The following RGS7 variants were observed in gnomAD, a reference collection of about 807,000 sequenced individuals.
The protein encoded by RGS7 is regulator of G protein signaling 7.
Under a neutral mutation model 81.1 loss-of-function variants are expected in RGS7, and 27 were observed. The ratio of observed to expected loss-of-function variants is 0.33; its 90% CI spans 0.25 to 0.46. The LOEUF (loss-of-function observed/expected upper bound fraction) is 0.46, where lower values mean the gene tolerates loss of function less well. RGS7 is among the 20% of genes least tolerant of loss of function. The probability of loss-of-function intolerance (pLI) is 1.00; values close to 1 mark genes in which losing one functional copy is unlikely to be tolerated. For missense variants in RGS7, 396 were observed against 607.4 expected (o/e 0.65, Z 3.66); for synonymous variants, 208 against 207.7 (o/e 1.00, Z -0.01).
At chr1:240,968,309 C>G (rs1682660666) in intron 4 of RGS7, among the ~76,000 whole-genome samples, 1 of 152,172 alleles carries the variant, frequency 6.6e-6, no homozygotes, top group Non-Finnish European at 1.5e-5. Context: ...GCTACTGATG[C>G]CTGGCAGATC....
chr1:241,000,105 T>C (rs1411267578), intron 3 of RGS7, among the ~76,000 whole-genome samples: 1 of 152,136 alleles, frequency 6.6e-6, no homozygotes, highest in Non-Finnish European at 1.5e-5. Context: ...GATGCTCCCT[T>C]AGGCTTCTTC....
chr1:240,973,250 T>C (rs1013566620), intron 4 of RGS7, among the ~76,000 whole-genome samples: 5 of 152,182 alleles, frequency 3.3e-5, no homozygotes, highest in African/African-American at 1.2e-4. Flanking sequence ...CTGGGGGCCA[T>C]GGCTCACGCC....
At chr1:241,168,768 C>T (rs1027514162) in intron 2 of RGS7, among the ~76,000 whole-genome samples, 5 of 152,036 alleles carry the variant, frequency 3.3e-5, no homozygotes, top group Admixed American at 3.3e-4. Context: ...AACACACACA[C>T]ATAGAGAGAG....
intron 6 of RGS7, among the ~76,000 whole-genome samples, chr1:240,895,147 C>T (rs900052879): frequency 5.9e-5 from 9 of 152,124 alleles, no homozygotes; most frequent in African/African-American, 2.2e-4. Context: ...TCTCTTTTCA[C>T]CTTCCACCAT....
intron 6 of RGS7, among the ~76,000 whole-genome samples, chr1:240,907,648 T>C (rs999468183): frequency 3.9e-5 from 6 of 152,198 alleles, no homozygotes; most frequent in African/African-American, 1.4e-4. Flanking sequence ...GTTTACCACC[T>C]AGGGTGTTAG....
chr1:240,972,636 T>C (rs1324888600), intron 4 of RGS7, among the ~76,000 whole-genome samples: 1 of 141,800 alleles, frequency 7.1e-6, no homozygotes, highest in African/African-American at 2.6e-5. Flanking sequence ...GCATGGCACA[T>C]GTATACATAT....
intron 9 of RGS7, among the ~76,000 whole-genome samples, chr1:240,846,145 A>G (rs907480934): frequency 2.0e-5 from 3 of 152,206 alleles, no homozygotes; most frequent in Non-Finnish European, 2.9e-5. Flanking sequence ...AGTCAGGGAC[A>G]AGTGAAGCCT....
At chr1:241,344,650 C>T (rs967090457) in intron 2 of RGS7, among the ~76,000 whole-genome samples, 2 of 152,202 alleles carry the variant, frequency 1.3e-5, no homozygotes, top group Admixed American at 6.5e-5. Flanking sequence ...TTCTTTCCTG[C>T]TAGCCAATTT....
At chr1:241,151,584 TTTTAC>T in intron 2 of RGS7, among the ~76,000 whole-genome samples, 1 of 150,736 alleles carries the variant, frequency 6.6e-6, no homozygotes, top group Non-Finnish European at 1.5e-5. Flanking sequence ...TTTTTTTTTT[TTTTAC>T]TTTAAGTTCT....
intron 2 of RGS7, among the ~76,000 whole-genome samples, chr1:241,294,047 C>G (rs1238914735): frequency 6.6e-6 from 1 of 152,182 alleles, no homozygotes; most frequent in Non-Finnish European, 1.5e-5. Context: ...ACCCAAATCC[C>G]CATCGGTGAT....
intron 4 of RGS7, among the ~76,000 whole-genome samples, chr1:240,960,366 C>T (rs1388290498): frequency 6.6e-6 from 1 of 150,466 alleles, no homozygotes; most frequent in Non-Finnish European, 1.5e-5. Flanking sequence ...ACCTCAGCCT[C>T]CCAAGTAGCT....
At chr1:241,235,808 A>C (rs1379186555) in intron 2 of RGS7, among the ~76,000 whole-genome samples, 1 of 150,798 alleles carries the variant, frequency 6.6e-6, no homozygotes, top group Non-Finnish European at 1.5e-5. Context: ...TTCCCAGAAC[A>C]GTGGCTGATG....
At position 241,276,485 on chromosome 1, in the gene RGS7, T is replaced by G. The variant is rs550086739; in HGVS notation, c.78+79214A>C. Among the ~76,000 whole-genome samples the G allele has an allele frequency of 3.0e-4, 45 of 152,320 alleles. No homozygotes were observed. In the South Asian group the frequency reaches 8.5e-3, roughly 29 times the overall value. On this transcript the variant is annotated intron_variant, in intron 2 of 18. Transcript: ENST00000440928. ...AGGAAATGGCTTAGAAGTGATAGTT[T>G]TATTTCCAATTCTCAATTCCCTGTC...
chr1:240,933,098 G>A (rs1360175938), intron 5 of RGS7, among the ~76,000 whole-genome samples: 1 of 149,774 alleles, frequency 6.7e-6, no homozygotes, highest in Non-Finnish European at 1.5e-5. Context: ...TAGCCAGGAT[G>A]GTCTCCATCT....
At chr1:241,040,008 A>G (rs1437645363) in intron 3 of RGS7, among the ~76,000 whole-genome samples, 2 of 152,246 alleles carry the variant, frequency 1.3e-5, no homozygotes, top group Non-Finnish European at 2.9e-5. Context: ...AATGATTTCA[A>G]GTGCCCAACG....
At chr1:241,281,200 T>C (rs1376802756) in intron 2 of RGS7, among the ~76,000 whole-genome samples, 1 of 152,236 alleles carries the variant, frequency 6.6e-6, no homozygotes, top group Admixed American at 6.5e-5. Flanking sequence ...CACTTACAGA[T>C]GGTACGTGGC....
intron 2 of RGS7, among the ~76,000 whole-genome samples, chr1:241,186,701 A>G (rs918584703): frequency 6.7e-6 from 1 of 150,256 alleles, no homozygotes; most frequent in Non-Finnish European, 1.5e-5. Flanking sequence ...TTTTTTTTTT[A>G]TTTTTAGTAG....
intron 2 of RGS7, among the ~76,000 whole-genome samples, chr1:241,161,576 CATT>C (rs1251122591): frequency 6.9e-6 from 1 of 144,446 alleles, no homozygotes; most frequent in East Asian, 2.0e-4. Flanking sequence ...GACCATGACA[CATT>C]AATAATAACT....
chr1:240,950,945 G>A (rs1679453495), intron 4 of RGS7, among the ~76,000 whole-genome samples: 1 of 149,984 alleles, frequency 6.7e-6, no homozygotes, highest in African/African-American at 2.5e-5. Context: ...TTTTTGAGAT[G>A]GGAGTTTCAC....
Sources: allele counts gnomAD v4.1 joint callset (sites outside exome capture counted in the v4.1 genomes callset), GRCh38; gene constraint gnomAD v4.1.1; transcripts MANE v1.5; gene names NCBI Gene and HGNC (gene_info 2026-07-23, HGNC 2026-07-21).